GOLM2: variants seen among roughly 807,000 people sequenced by gnomAD.
The protein encoded by GOLM2 is golgi membrane protein 2.
GOLM2 carries 26 observed loss-of-function variants against 55.9 expected under a neutral mutation model. The observed-to-expected ratio is 0.47, with a 90% CI of 0.34 to 0.65. The LOEUF is 0.65. GOLM2 is among the 30% of genes least tolerant of loss of function. The pLI, the probability that GOLM2 is intolerant of heterozygous loss-of-function variation, is 0.01. For missense variants in GOLM2, 486 were observed against 531.8 expected (o/e 0.91, Z 0.85); for synonymous variants, 165 against 194.6 (o/e 0.85, Z 1.27).
chr15:44,397,964 C>T (rs2141210055), intron 8 of GOLM2, among the ~76,000 whole-genome samples: 1 of 152,330 alleles, frequency 6.6e-6, no homozygotes, highest in East Asian at 1.9e-4. Flanking sequence ...TCAAATGTAT[C>T]TGATTCATCA....
At chr15:44,336,231 C>T (rs1002742668) in intron 4 of GOLM2, among the ~76,000 whole-genome samples, 1 of 152,086 alleles carries the variant, frequency 6.6e-6, no homozygotes, top group Non-Finnish European at 1.5e-5. Context: ...ATTCTCCTGC[C>T]TCAGGCTCCC....
chr15:44,371,297 C>T (rs2079328310), intron 6 of GOLM2, among the ~76,000 whole-genome samples: 1 of 152,128 alleles, frequency 6.6e-6, no homozygotes, highest in African/African-American at 2.4e-5. Flanking sequence ...TGTATTTTTC[C>T]TGCCTTTATA....
Position 44,392,076 on chromosome 15 carries a change from C to T in GOLM2, c.1073-10811C>T, listed in dbSNP as rs75618604. On this transcript the variant is annotated intron_variant, in intron 8 of 9. Coordinates refer to ENST00000299957, the MANE Select transcript of GOLM2 (RefSeq NM_138423.4). Reference sequence around the variant, plus strand: ...TGTTGGTCAGGCTGGTCTTGAACTCCCAACCTCAGGTGATGCTCCTGGCTT... The same window carrying T: ...TGTTGGTCAGGCTGGTCTTGAACTCTCAACCTCAGGTGATGCTCCTGGCTT... Among the ~76,000 whole-genome samples, 5 of 151,968 alleles carry T rather than the reference C, an allele frequency of 3.3e-5. No homozygotes were observed. In the East Asian group the frequency reaches 9.8e-4, roughly 30 times the overall value.
intron 6 of GOLM2, among the ~76,000 whole-genome samples, chr15:44,350,398 A>G (rs1595641270): frequency 6.6e-6 from 1 of 152,206 alleles, no homozygotes; most frequent in Admixed American, 6.5e-5. Flanking sequence ...TCCTAGACAC[A>G]TACAGTCTAC....
chr15:44,298,188 C>T (rs1362490484), intron 1 of GOLM2, among the ~76,000 whole-genome samples: 1 of 151,720 alleles, frequency 6.6e-6, no homozygotes, highest in African/African-American at 2.4e-5. Context: ...AATCTTTTAT[C>T]CAGCTTCTGA....
chr15:44,392,057 T>G (rs1279599950), intron 8 of GOLM2, among the ~76,000 whole-genome samples: 3 of 151,734 alleles, frequency 2.0e-5, no homozygotes, highest in Non-Finnish European at 4.4e-5. Flanking sequence ...TCCATGTTGG[T>G]CAGGCTGGTC....
At chr15:44,297,434 T>A (rs1287638983) in intron 1 of GOLM2, among the ~76,000 whole-genome samples, 1 of 152,234 alleles carries the variant, frequency 6.6e-6, no homozygotes, top group East Asian at 1.9e-4. Context: ...CTGATTGTTT[T>A]GCTTACTTTT....
At chr15:44,356,281 A>G (rs928409028) in intron 6 of GOLM2, among the ~76,000 whole-genome samples, 1 of 152,220 alleles carries the variant, frequency 6.6e-6, no homozygotes, top group Non-Finnish European at 1.5e-5. Flanking sequence ...AGAGAAAATC[A>G]ATGAAACCAA....
chr15:44,290,679 G>A (rs1595608327), intron 1 of GOLM2, among the ~76,000 whole-genome samples: 2 of 152,170 alleles, frequency 1.3e-5, no homozygotes, highest in South Asian at 4.1e-4. Flanking sequence ...CTTCCTACTT[G>A]GCATGGTTGA....
In GOLM2 at chr15:44,289,406, G is replaced by A. The variant is rs2078704806; in HGVS notation, c.327+50G>A. The A allele has an allele frequency of 6.6e-7, 1 of 1,513,778 alleles. No individual in the cohort carries two copies. The highest frequency in any genetic ancestry group is 8.9e-7 in the Non-Finnish European group (1 of 1,121,436). The allele number at this position is 1,513,778 out of a possible 1,614,324, so 93.8% of individuals were successfully genotyped here. A position where few individuals can be genotyped will look rare whatever the true frequency, so the allele number is the denominator to read the frequency against. On this transcript the variant is annotated intron_variant, in intron 1 of 9. Coordinates refer to ENST00000299957, the MANE Select transcript of GOLM2 (RefSeq NM_138423.4). This position sits in a 1 kb window ranked among gnomAD's most constrained non-coding sequence, Gnocchi z 4.8. ...AACCCCATGGTTTCTTTTCTCCCCG[G>A]GGTCTGGGGCGGGATGTTAATCCGC...
At chr15:44,344,984 T>C (rs966468879) in intron 6 of GOLM2, among the ~76,000 whole-genome samples, 6 of 151,400 alleles carry the variant, frequency 4.0e-5, no homozygotes, top group Non-Finnish European at 8.8e-5. Flanking sequence ...TTTTTTCTTT[T>C]TTTTTTTTAA....
intron 1 of GOLM2, among the ~76,000 whole-genome samples, chr15:44,314,095 G>C (rs1355547341): frequency 6.6e-6 from 1 of 151,878 alleles, no homozygotes; most frequent in Non-Finnish European, 1.5e-5. Flanking sequence ...AAATTAGCCG[G>C]GTGTTGTGGC....
intron 8 of GOLM2, among the ~76,000 whole-genome samples, chr15:44,388,756 T>C (rs1198860388): frequency 1.3e-5 from 2 of 152,138 alleles, no homozygotes; most frequent in Admixed American, 6.5e-5. Flanking sequence ...CAAATCATCC[T>C]CCTGCCTTAG....
At chr15:44,334,307 G>GT (rs2079042319) in intron 4 of GOLM2, among the ~76,000 whole-genome samples, 2 of 152,140 alleles carry the variant, frequency 1.3e-5, no homozygotes, top group Admixed American at 1.3e-4. Context: ...ACTATGGCAA[G>GT]TTGGTTCTGT....
At position 44,321,309 on chromosome 15, in the gene GOLM2, T is replaced by A. The variant is rs546266516; in HGVS notation, c.328-1656T>A. Among the ~76,000 whole-genome samples, 34 of 151,554 alleles carry A rather than the reference T, an allele frequency of 2.2e-4. No homozygotes were observed. In the South Asian group the frequency reaches 7.1e-3, roughly 32 times the overall value. On this transcript the variant is annotated intron_variant, in intron 1 of 9. Coordinates refer to ENST00000299957, the MANE Select transcript of GOLM2 (RefSeq NM_138423.4). ...CAACATAGCAAGACCTCATCTCTAC[T>A]AAAAATAAAAAAATTAACCTGGCAT...
At chr15:44,335,810 C>CTTT (rs768065943) in intron 4 of GOLM2, among the ~76,000 whole-genome samples, 28 of 122,220 alleles carry the variant, frequency 2.3e-4, no homozygotes, top group African/African-American at 4.6e-4. Flanking sequence ...GGACAAACTG[C>CTTT]TTTTTTTTTT....
intron 1 of GOLM2, among the ~76,000 whole-genome samples, chr15:44,320,000 A>G (rs2078938458): frequency 1.3e-5 from 2 of 152,330 alleles, no homozygotes; most frequent in South Asian, 4.1e-4. Flanking sequence ...ATGTTGAGCA[A>G]CTATCACCAT....
rs1404642152 is a variant in GOLM2, at chr15:44,414,915, T to C, written c.*1509T>C. On this transcript the variant is annotated 3_prime_UTR_variant, in exon 10 of 10. Transcript: ENST00000299957. ...TCTTGTTTTCTGATTTAAAGCACTT[T>C]TAAATCTTATCCTGCCCCCTAAAAA... 1 of 152,636 alleles carries C rather than the reference T, an allele frequency of 6.6e-6. No homozygotes were observed. The highest frequency in any genetic ancestry group is 2.4e-5 in the African/African-American group (1 of 41,456). The allele number at this position is 152,636 out of a possible 1,614,324, so 9.5% of individuals were successfully genotyped here.
chr15:44,359,775 G>A (rs567892433), intron 6 of GOLM2, among the ~76,000 whole-genome samples: 2 of 152,074 alleles, frequency 1.3e-5, no homozygotes, highest in Non-Finnish European at 2.9e-5. Context: ...TTGAAATGAA[G>A]GAAAAAATAT....
Sources: gnomAD v4.1 joint callset for allele counts (sites outside exome capture counted in the v4.1 genomes callset) on GRCh38, gnomAD v4.1.1 for gene constraint, Gnocchi (gnomAD v3.1) non-coding constraint, MANE v1.5 for transcripts, NCBI Gene and HGNC (gene_info 2026-07-23, HGNC 2026-07-21) for gene names.